The following PADI6 variants were observed in gnomAD, a reference collection of about 807,000 sequenced individuals.
The protein encoded by PADI6 is peptidyl arginine deiminase 6, also known as inactive protein-arginine deiminase type-6.
A neutral mutation model predicts 78.2 loss-of-function variants in PADI6; 66 were observed. The ratio of observed to expected loss-of-function variants is 0.84; its 90% CI spans 0.69 to 1.04. The LOEUF (loss-of-function observed/expected upper bound fraction) is 1.04, where lower values mean the gene tolerates loss of function less well. Among genes scored for constraint, PADI6 ranks in the 50% least tolerant of loss-of-function variants. The probability of loss-of-function intolerance (pLI) is 0.00; values close to 1 mark genes in which losing one functional copy is unlikely to be tolerated. For missense variants in PADI6, 854 were observed against 866.1 expected, an observed-to-expected ratio of 0.99 and a Z score of 0.18; for synonymous variants, 397 against 346.9, an observed-to-expected ratio of 1.14 and a Z score of -1.60.
rs1242226410 is a variant in PADI6, at chr1:17,382,099, G to T, written c.679+7G>T. On this transcript the variant is annotated splice_region_variant and intron_variant, in intron 6 of 15. Coordinates refer to ENST00000619609, the MANE Select transcript of PADI6 (RefSeq NM_207421.4). Reference sequence around the variant, plus strand: ...AGAGTCTACTGGCCCCAAAGTGAGTGTTCTTGTGCCAGCTCCAGCTTTGCC... The same window carrying T: ...AGAGTCTACTGGCCCCAAAGTGAGTTTTCTTGTGCCAGCTCCAGCTTTGCC... 1 of 1,613,156 alleles carries T rather than the reference G, an allele frequency of 6.2e-7. No individual in the cohort carries two copies. Among genetic ancestry groups the T allele is most frequent in the Admixed American group, 1.7e-5 (1 of 59,848 alleles).
At chr1:17,390,823 TTC>T (rs1439357118) in intron 8 of PADI6, among the ~76,000 whole-genome samples, 1 of 152,146 alleles carries the variant, frequency 6.6e-6, no homozygotes, top group Non-Finnish European at 1.5e-5. Context: ...GAAGACGGGT[TTC>T]TCACTCACAG....
At chr1:17,390,463 G>A (rs2075171008) in intron 8 of PADI6, among the ~76,000 whole-genome samples, 1 of 151,902 alleles carries the variant, frequency 6.6e-6, no homozygotes. Context: ...AATTAGCCAG[G>A]CATGGTGGTG....
chr1:17,373,208 C>T lies in PADI6; in HGVS notation c.269C>T (p.Pro90Leu). 1.2e-6 allele frequency: 2 copies of T among 1,613,964 alleles called. No individual in the cohort carries two copies. The highest frequency in any genetic ancestry group is 1.3e-5 in the African/African-American group (1 of 75,054). ...PTYATVKMTS[P>L]SPSVDADKVS... ...TACGCCACAGTGAAGATGACATCGC[C>T]CAGCCCTTCCGTGGATGCGGATAAG... Residue 90 changes from proline (P) to leucine (L), a missense_variant, in exon 2 of 16, where the codon CCC (proline) becomes CTC (leucine). Physicochemically the swap from Pro to Leu is moderately conservative, Grantham distance 98 (BLOSUM62 -3). Transcript: ENST00000619609.
At chr1:17,392,045 C>A (rs2100315797) in intron 8 of PADI6, 69 bp from the exon 9 acceptor site, 3 of 1,308,752 alleles carry the variant, frequency 2.3e-6, no homozygotes, top group Non-Finnish European at 3.2e-6. Flanking sequence ...CCTCTCTTGG[C>A]ACAAGGAGGT....
At chr1:17,388,730 G>C in intron 7 of PADI6, 47 bp from the exon 8 acceptor site, 3 of 1,570,068 alleles carry the variant, frequency 1.9e-6, no homozygotes, top group Non-Finnish European at 2.6e-6. Flanking sequence ...AGAGGGGAGC[G>C]AGTAAATGTG....
chr1:17,387,408 A>G (rs189514578), intron 6 of PADI6, among the ~76,000 whole-genome samples: 238 of 148,876 alleles, frequency 1.6e-3, no homozygotes, highest in African/African-American at 5.6e-3. Flanking sequence ...TAGTGCCGCT[A>G]CACTCTAGCC....
At position 17,394,457 on chromosome 1, in the gene PADI6, G is replaced by A. The variant is rs758482400; in HGVS notation, c.1337+3G>A. 1.4e-5 allele frequency: 22 copies of A among 1,611,970 alleles called. No individual in the cohort carries two copies. The South Asian group carries it at 2.3e-4, about 17-fold the overall frequency. On this transcript the variant is annotated splice_donor_region_variant and intron_variant, in intron 11 of 15. Transcript: ENST00000619609. ...ATTGGCAGCAGCTTTTACCCCAGGT[G>A]AGCCACAAAGCCAGACGCCTCCAAA...
intron 11 of PADI6, 92 bp from the exon 12 acceptor site, chr1:17,394,859 C>A: frequency 1.4e-6 from 2 of 1,427,830 alleles, no homozygotes; most frequent in African/African-American, 1.4e-5. Flanking sequence ...CGGTCAGAGG[C>A]CAGCTCCCTG....
At chr1:17,394,820 T>C in intron 11 of PADI6, 131 bp from the exon 12 acceptor site, 2 of 1,107,234 alleles carry the variant, frequency 1.8e-6, no homozygotes, top group Non-Finnish European at 2.5e-6. Context: ...AACCAACACA[T>C]CCGCTATGGA....
chr1:17,400,378 A>C (rs921096650), intron 15 of PADI6, among the ~76,000 whole-genome samples: 20 of 151,962 alleles, frequency 1.3e-4, no homozygotes, highest in Non-Finnish European at 2.4e-4. Flanking sequence ...GTAGTGGTGC[A>C]TGCCTGTCAT....
At chr1:17,394,190 AG>A (rs34075690) in intron 10 of PADI6, 108 bp downstream of exon 10, 984,820 of 1,537,776 alleles carry the variant, frequency 0.64, 317,683 homozygotes, top group South Asian at 0.67. Context: ...GTGGCCTCTG[AG>A]GGGGGAGGGG....
chr1:17,380,985 A>C, intron 4 of PADI6, 62 bp from the exon 5 acceptor site: 1 of 1,398,264 alleles, frequency 7.2e-7, no homozygotes, highest in South Asian at 1.3e-5. Flanking sequence ...TATGAGGTGC[A>C]TCCGAGAAAC....
At chr1:17,386,624 A>G (rs2075122183) in intron 6 of PADI6, among the ~76,000 whole-genome samples, 1 of 152,180 alleles carries the variant, frequency 6.6e-6, no homozygotes, top group Non-Finnish European at 1.5e-5. Flanking sequence ...GGCCTGGCTC[A>G]GGGCTGGTGA....
intron 7 of PADI6, 94 bp downstream of exon 7, chr1:17,388,653 G>A (rs1028628193): frequency 1.4e-6 from 2 of 1,464,120 alleles, no homozygotes; most frequent in East Asian, 2.4e-5. Flanking sequence ...GGTTTGCTGG[G>A]GGAGAGCTGC....
At chr1:17,397,046 G>T (rs376518153) in intron 13 of PADI6, 25 bp from the exon 14 acceptor site, 22 of 1,611,246 alleles carry the variant, frequency 1.4e-5, no homozygotes, top group Non-Finnish European at 1.9e-5. Context: ...TGACCAGCAG[G>T]CCTGCTGCCC....
chr1:17,394,233 G>T, intron 10 of PADI6, 67 bp from the exon 11 acceptor site: 1 of 1,587,126 alleles, frequency 6.3e-7, no homozygotes, highest in South Asian at 1.1e-5. Context: ...CCTGGATTTA[G>T]GGATAAGACT....
chr1:17,375,445 G>A lies in PADI6; in HGVS notation c.313G>A (p.Gly105Arg). Residue 105 changes from glycine (G) to arginine (R), a missense_variant, in exon 3 of 16, where the codon GGG (glycine) becomes AGG (arginine). Physicochemically the swap from Gly to Arg is moderately radical, Grantham distance 125. Coordinates refer to ENST00000619609, the MANE Select transcript of PADI6 (RefSeq NM_207421.4). ...TCCACAGGTCTCGGTCACATACTAT[G>A]GGCCCAACGAGGATGCCCCCGTGGG... ...DADKVSVTYY[G>R]PNEDAPVGTA... 6.2e-7 allele frequency: 1 copy of A among 1,611,582 alleles called. No individual in the cohort carries two copies. Among genetic ancestry groups the A allele is most frequent in the Admixed American group, 1.7e-5 (1 of 59,742 alleles).
At chr1:17,381,196 C>CT (rs1423134460) in intron 5 of PADI6, 32 bp downstream of exon 5, 1 of 1,534,226 alleles carries the variant, frequency 6.5e-7, no homozygotes, top group African/African-American at 1.4e-5. Context: ...GCCTTTCCTT[C>CT]TTGGTCTCTT....
rs1449657203 is a variant in PADI6 at position 17,379,357 on chromosome 1, G to A, written c.368-563G>A. ...TCTCGATCTCCTGACCTCGTGATCC[G>A]CCCGCCTCGGCCTCCCAAAGTGCTG... On this transcript the variant is annotated intron_variant, in intron 3 of 15. Transcript: ENST00000619609. Among the ~76,000 whole-genome samples the A allele has an allele frequency of 8.3e-5, 12 of 144,012 alleles. No homozygotes were observed. The East Asian group carries it at 1.9e-3, about 23-fold the overall frequency. 94.5% of individuals were successfully genotyped at this position (144,012 alleles called of 152,430 possible).
Sources: gnomAD v4.1 joint callset for allele counts (sites outside exome capture counted in the v4.1 genomes callset) on GRCh38, gnomAD v4.1.1 for gene constraint, MANE v1.5 for transcripts, NCBI Gene and HGNC (gene_info 2026-07-23, HGNC 2026-07-21) for gene names.